The following MYCBPAP variants were observed in gnomAD, a reference collection of about 807,000 sequenced individuals.
MYCBPAP encodes MYCBP-associated protein.
A neutral mutation model predicts 106.1 loss-of-function variants in MYCBPAP; 60 were observed. That is an observed-to-expected ratio of 0.57 (90% CI 0.46 to 0.70). MYCBPAP has a LOEUF of 0.70. Ranked by LOEUF, MYCBPAP falls within the 30% of genes least tolerant of loss-of-function variation. MYCBPAP has a pLI of 0.00. For missense variants in MYCBPAP, 1,064 were observed against 1,169.3 expected (o/e 0.91, Z 1.31); for synonymous variants, 407 against 440.6 (o/e 0.92, Z 0.95).
intron 1 of MYCBPAP, chr17:50,510,513 A>ATATATATG (rs1567879282): frequency 8.6e-6 from 1 of 115,966 alleles, no homozygotes; most frequent in Non-Finnish European, 1.7e-5. Context: ...ATATATATAT[A>ATATATATG]TATATATATA....
Position 50,523,000 on chromosome 17 carries a change from C to T in MYCBPAP, c.1319C>T (p.Ser440Leu), listed in dbSNP as rs779355059. The T allele has an allele frequency of 7.2e-5, 117 of 1,614,094 alleles. No individual in the cohort carries two copies. The highest frequency in any genetic ancestry group is 9.7e-5 in the Non-Finnish European group (115 of 1,180,032). Residue 440 changes from serine (S) to leucine (L), a missense_variant, in exon 11 of 19, where the codon TCA (serine) becomes TTA (leucine). Transcript: ENST00000323776. ...FETLEGEKTS[S>L]ELTVVNNGTV... ...ACCCTAGAAGGCGAGAAAACCTCCT[C>T]AGAACTGACTGTGGTCAATAATGGC...
upstream of MYCBPAP, among the ~76,000 whole-genome samples, chr17:50,507,844 A>G (rs1047990860): frequency 1.3e-5 from 2 of 152,204 alleles, no homozygotes; most frequent in Admixed American, 6.5e-5. Context: ...ATAGGCAACT[A>G]CACAAAAAAC....
At chr17:50,531,149 CA>C (rs11399946) in intron 18 of MYCBPAP, among the ~76,000 whole-genome samples, 177 bp from the exon 19 acceptor site, 48 of 143,616 alleles carry the variant, frequency 3.3e-4, no homozygotes, top group South Asian at 4.5e-4. Context: ...GAGATCCTGT[CA>C]AAAAAAAAAA....
chr17:50,529,759 C>T (rs754295954), intron 18 of MYCBPAP: 47 of 456,542 alleles, frequency 1.0e-4, no homozygotes, highest in Middle Eastern at 3.2e-4. Context: ...TCTTACTCCC[C>T]GTTAGGTGCA....
chr17:50,519,947 C>T (rs896831146), intron 7 of MYCBPAP, 160 bp downstream of exon 7: 16 of 731,142 alleles, frequency 2.2e-5, no homozygotes, highest in East Asian at 5.7e-5. Flanking sequence ...TCCTGAAGTC[C>T]GGCTCCCTCT....
At chr17:50,525,659 C>CGCTTTTTTTTTTTT (rs1555621575) in intron 13 of MYCBPAP, among the ~76,000 whole-genome samples, 1 of 131,364 alleles carries the variant, frequency 7.6e-6, no homozygotes, top group Non-Finnish European at 1.6e-5. Flanking sequence ...GCTAATTTCT[C>CGCTTTTTTTTTTTT]TTTTTTTTTT....
At position 50,516,628 on chromosome 17, in the gene MYCBPAP, A is replaced by C; in HGVS notation, c.135A>C (p.Glu45Asp). The C allele has an allele frequency of 6.2e-7, 1 of 1,614,208 alleles. No individual in the cohort carries two copies. The change falls in exon 2 of 19, where the codon GAA becomes GAC. Residue 45 changes from glutamate (E) to aspartate (D), a missense_variant. Transcript: ENST00000323776. Reference sequence around the variant, plus strand: ...CACCCACAATTCAGGAAGAGCCTGAACCTGTTAGCAATGTCCTACAAGGAG... The same window carrying C: ...CACCCACAATTCAGGAAGAGCCTGACCCTGTTAGCAATGTCCTACAAGGAG... Reference protein sequence around the residue: ...QPTPTIQEEPEPVSNVLQGDD... With the variant: ...QPTPTIQEEPDPVSNVLQGDD...
chr17:50,528,727 G>A lies in MYCBPAP; in HGVS notation c.2440G>A (p.Val814Ile), dbSNP rs748434422. The change falls in exon 17 of 19, where the codon GTA (valine) becomes ATA (isoleucine). Residue 814 changes from valine (V) to isoleucine (I), a missense_variant. Transcript: ENST00000323776. ...ATCACCTCCTATCATGGAAGTGAAG[G>A]TACCTGTGGGGAAAGCTGGGAAGGA... The part of the protein sequence containing the change: ...QKSPPIMEVK[V>I]PVGKAGKEER... The A allele has an allele frequency of 3.1e-6, 5 of 1,614,042 alleles. No homozygotes were observed. The highest frequency in any genetic ancestry group is 4.2e-6 in the Non-Finnish European group (5 of 1,179,964).
At position 50,523,856 on chromosome 17, in the gene MYCBPAP, G is replaced by A. The variant is rs1409689022; in HGVS notation, c.1635+72G>A. ...CCTGGTGTTCTTCCTGGCAGTGACT[G>A]AAGGGATCATATTTCTCCCAGCCTA... On this transcript the variant is annotated intron_variant, in intron 12 of 18. Coordinates refer to ENST00000323776, the MANE Select transcript of MYCBPAP (RefSeq NM_032133.6). 2.8e-6 allele frequency: 4 copies of A among 1,422,962 alleles called. No individual in the cohort carries two copies. In the East Asian group the frequency reaches 9.3e-5, roughly 33 times the overall value. The allele number at this position is 1,422,962 out of a possible 1,614,324, so 88.1% of individuals were successfully genotyped here.
intron 11 of MYCBPAP, 105 bp downstream of exon 11, chr17:50,523,233 C>T: frequency 9.1e-7 from 1 of 1,104,434 alleles, no homozygotes. Context: ...TAAGTTTGAG[C>T]CCTGCTTCCC....
At chr17:50,522,231 A>G (rs2143959431) in intron 10 of MYCBPAP, 150 bp downstream of exon 10, 1 of 574,554 alleles carries the variant, frequency 1.7e-6, no homozygotes, top group East Asian at 3.0e-5. Context: ...TGACAGCAAC[A>G]CTGACTTGAG....
rs148039790 is a variant in MYCBPAP at position 50,515,133 on chromosome 17, T to A, written c.77-1437T>A. On this transcript the variant is annotated intron_variant, in intron 1 of 18. Coordinates refer to ENST00000323776, the MANE Select transcript of MYCBPAP (RefSeq NM_032133.6). ...TATGTTATTTTCTTTGGAATGCCTG[T>A]TCCCCAGGGCCCTTTCCTTTCTCCA... Among the ~76,000 whole-genome samples the A allele has an allele frequency of 3.1e-3, 474 of 152,288 alleles. 1 individual carries two copies. Among genetic ancestry groups the A allele is most frequent in the African/African-American group, 0.011 (454 of 41,566 alleles).
chr17:50,526,054 C>A lies in MYCBPAP; in HGVS notation c.1956C>A (p.Ile652=). The A allele has an allele frequency of 6.2e-7, 1 of 1,613,960 alleles. No individual in the cohort carries two copies. Among genetic ancestry groups the A allele is most frequent in the Non-Finnish European group, 8.5e-7 (1 of 1,180,034 alleles). ...AELLPRFRSP[I]SETQVPRPEN... ...TGTTACCACGCTTTAGGAGCCCCAT[C>A]TCCGAAACTCAAGTGCCCCGGCCTG... Residue 652 remains isoleucine (I), a synonymous_variant, in exon 14 of 19, where the codon ATC becomes ATA. Transcript: ENST00000323776.
At chr17:50,529,522 G>A (rs1196893558) in intron 18 of MYCBPAP, 5 of 375,304 alleles carry the variant, frequency 1.3e-5, no homozygotes, top group African/African-American at 2.1e-5. Context: ...AACTGCCATA[G>A]GAGGGAGGGG....
At position 50,523,630 on chromosome 17, in the gene MYCBPAP, C is replaced by T; in HGVS notation, c.1481C>T (p.Thr494Ile). 1 of 1,614,184 alleles carries T rather than the reference C, an allele frequency of 6.2e-7. No individual in the cohort carries two copies. Among genetic ancestry groups the T allele is most frequent in the Non-Finnish European group, 8.5e-7 (1 of 1,180,042 alleles). ...VILPGEIKTF[T>I]FFFKSLTAGV... Reference sequence around the variant, plus strand: ...CTGCCTGGAGAAATTAAAACATTTACCTTCTTCTTCAAGTCTTTGACTGCT... The same window carrying T: ...CTGCCTGGAGAAATTAAAACATTTATCTTCTTCTTCAAGTCTTTGACTGCT... The change falls in exon 12 of 19, where the codon ACC (threonine) becomes ATC (isoleucine). Residue 494 changes from threonine (T) to isoleucine (I), a missense_variant. Coordinates refer to ENST00000323776, the MANE Select transcript of MYCBPAP (RefSeq NM_032133.6).
chr17:50,509,597 T>A (rs536918245), intron 1 of MYCBPAP: 7 of 158,400 alleles, frequency 4.4e-5, no homozygotes, highest in Admixed American at 1.2e-4. Flanking sequence ...GCTCTCGCTG[T>A]GTTGCCCCAG....
At position 50,508,709 on chromosome 17, in the gene MYCBPAP, TA is replaced by T. The variant is rs1391506265; in HGVS notation, c.37del (p.Thr13LeufsTer6). 6.2e-7 allele frequency: 1 copy of T among 1,611,822 alleles called. No homozygotes were observed. Among genetic ancestry groups the T allele is most frequent in the Non-Finnish European group, 8.5e-7 (1 of 1,179,000 alleles). ...KSLKKDSRLRITPTRLLEASE... is the reference protein window; with the variant it reads ...KSLKKDSRLRXTPTRLLEASE... The stretch of plus-strand genomic sequence containing the variant: ...CTAAAGAAGGATTCCCGCCTCAGAA[TA>T]ACTCCGACCAGATTATTAGAGGCCT... On this transcript the variant is annotated frameshift_variant, in exon 1 of 19. Transcript: ENST00000323776. LOFTEE classifies it high-confidence loss of function.
At chr17:50,521,867 TAG>T (rs2034271469) in intron 9 of MYCBPAP, 104 bp from the exon 10 acceptor site, 3 of 949,362 alleles carry the variant, frequency 3.2e-6, no homozygotes, top group Non-Finnish European at 5.0e-6. Flanking sequence ...CATTGCAGGG[TAG>T]AGCTGGTTGT....
intron 12 of MYCBPAP, among the ~76,000 whole-genome samples, chr17:50,524,576 GCTAA>G (rs2034387392): frequency 6.6e-6 from 1 of 152,064 alleles, no homozygotes; most frequent in Non-Finnish European, 1.5e-5. Flanking sequence ...CTGGTGACAT[GCTAA>G]CTGTGTGACC....
Sources: gnomAD v4.1 joint callset for allele counts (sites outside exome capture counted in the v4.1 genomes callset) on GRCh38, gnomAD v4.1.1 for gene constraint, MANE v1.5 for transcripts, NCBI Gene and HGNC (gene_info 2026-07-23, HGNC 2026-07-21) for gene names.